The following KLF12 variants were observed in gnomAD, a reference collection of about 807,000 sequenced individuals.
KLF12 encodes Krueppel-like factor 12.
Under a neutral mutation model 37.8 loss-of-function variants are expected in KLF12, and 9 were observed. The observed-to-expected ratio is 0.24, with a 90% CI of 0.14 to 0.42. The LOEUF is 0.42. Ranked by LOEUF, KLF12 falls within the 10% of genes least tolerant of loss-of-function variation. The pLI is 1.00. For synonymous variants in KLF12, 208 were observed against 202.1 expected, an observed-to-expected ratio of 1.03 and a Z score of -0.25; for missense variants, 411 against 516.0, an observed-to-expected ratio of 0.80 and a Z score of 1.97.
chr13:74,199,514 AG>A, the KLF12 span, among the ~76,000 whole-genome samples: 1 of 152,206 alleles, frequency 6.6e-6, no homozygotes, highest in Non-Finnish European at 1.5e-5. Context: ...CTATTAATAA[AG>A]GCTTGCTGAA....
chr13:74,122,855 A>T (rs1877713434), intron 1 of KLF12, among the ~76,000 whole-genome samples: 1 of 152,004 alleles, frequency 6.6e-6, no homozygotes, highest in African/African-American at 2.4e-5. Context: ...CATGGATAAA[A>T]ATATAAAAGG....
chr13:73,992,720 T>G (rs1017440255), intron 2 of KLF12, among the ~76,000 whole-genome samples: 1 of 152,250 alleles, frequency 6.6e-6, no homozygotes, highest in African/African-American at 2.4e-5. Context: ...CAGCTTCCAC[T>G]GCTGACATTT....
chr13:73,881,935 C>G (rs1355374193), intron 3 of KLF12, among the ~76,000 whole-genome samples: 2 of 152,128 alleles, frequency 1.3e-5, no homozygotes, highest in Non-Finnish European at 2.9e-5. Context: ...ATAAAATAAA[C>G]AGGTAACTGG....
chr13:73,905,919 A>C (rs1888264520), intron 3 of KLF12, among the ~76,000 whole-genome samples: 1 of 152,100 alleles, frequency 6.6e-6, no homozygotes, highest in Non-Finnish European at 1.5e-5. Context: ...ACTCTTCTCC[A>C]TGCCTGTGTT....
intron 1 of KLF12, among the ~76,000 whole-genome samples, chr13:74,089,348 C>G (rs563044667): frequency 6.4e-4 from 97 of 152,194 alleles, no homozygotes; most frequent in Non-Finnish European, 1.2e-3. Flanking sequence ...GACCAAATAT[C>G]TTCAAAATAA....
intron 1 of KLF12, among the ~76,000 whole-genome samples, chr13:74,126,419 A>T (rs1371640935): frequency 6.6e-6 from 1 of 152,196 alleles, no homozygotes; most frequent in Non-Finnish European, 1.5e-5. Flanking sequence ...TCTATTAGTC[A>T]TTAAAAGTAT....
chr13:73,949,217 C>T (rs757723018), intron 2 of KLF12, among the ~76,000 whole-genome samples: 2 of 152,218 alleles, frequency 1.3e-5, no homozygotes, highest in Admixed American at 6.5e-5. Flanking sequence ...TTACCTTTCT[C>T]TATATCAATA....
chr13:74,040,559 C>G (rs1397826911), intron 1 of KLF12, among the ~76,000 whole-genome samples: 1 of 150,142 alleles, frequency 6.7e-6, no homozygotes, highest in Non-Finnish European at 1.5e-5. Flanking sequence ...AGAATGCCTA[C>G]AAATTCTCAC....
intron 2 of KLF12, among the ~76,000 whole-genome samples, chr13:73,983,278 C>T (rs1891736322): frequency 6.6e-6 from 1 of 152,196 alleles, no homozygotes; most frequent in Non-Finnish European, 1.5e-5. Context: ...AAGCCACTTG[C>T]TTTCCAGCCC....
At chr13:73,741,115 G>A (rs1029762423) in intron 6 of KLF12, among the ~76,000 whole-genome samples, 7 of 152,058 alleles carry the variant, frequency 4.6e-5, no homozygotes, top group African/African-American at 1.7e-4. Flanking sequence ...CTCTAAAGAC[G>A]TTTTATTCAT....
At chr13:74,185,342 A>C in the KLF12 span, among the ~76,000 whole-genome samples, 1 of 152,204 alleles carries the variant, frequency 6.6e-6, no homozygotes, top group South Asian at 2.1e-4. Context: ...AGGCCTCTGA[A>C]ACAACAGAGG....
intron 1 of KLF12, among the ~76,000 whole-genome samples, chr13:74,120,705 T>C (rs1877578229): frequency 6.6e-6 from 1 of 151,966 alleles, no homozygotes; most frequent in Non-Finnish European, 1.5e-5. Context: ...GGATAGGCTA[T>C]AACATGTATA....
At chr13:73,748,824 G>A (rs767931910) in intron 6 of KLF12, among the ~76,000 whole-genome samples, 10 of 152,210 alleles carry the variant, frequency 6.6e-5, no homozygotes, top group Non-Finnish European at 1.0e-4. Flanking sequence ...CCAACAGCAG[G>A]TAGAATTTGA....
chr13:73,764,090 A>G (rs900132064), intron 6 of KLF12, among the ~76,000 whole-genome samples: 1 of 152,220 alleles, frequency 6.6e-6, no homozygotes, highest in Non-Finnish European at 1.5e-5. Context: ...TCATCTTCCC[A>G]TACTTAAAAA....
rs375809451 is a variant in KLF12, at chr13:73,813,201, C to T, written c.757G>A (p.Val253Ile). Residue 253 changes from valine (V) to isoleucine (I), a missense_variant, in exon 5 of 8, where the codon GTT becomes ATT. Transcript: ENST00000377669. ...AGGGCCGTAGATCCAGTTTCATTAA[C>T]GCTATCTAAGGTCACATTTGGCAGG... 3.1e-6 allele frequency: 5 copies of T among 1,613,898 alleles called. No individual in the cohort carries two copies. In the African/African-American group the frequency reaches 6.7e-5, roughly 22 times the overall value.
At chr13:73,886,799 C>T (rs1887242759) in intron 3 of KLF12, among the ~76,000 whole-genome samples, 1 of 152,098 alleles carries the variant, frequency 6.6e-6, no homozygotes, top group African/African-American at 2.4e-5. Flanking sequence ...CAAGACCAGC[C>T]TGACCAACAT....
At chr13:73,789,673 CTTTTTTTT>C (rs376606853) in intron 5 of KLF12, among the ~76,000 whole-genome samples, 1 of 141,744 alleles carries the variant, frequency 7.1e-6, no homozygotes, top group Non-Finnish European at 1.5e-5. Flanking sequence ...TATCTCTAAT[CTTTTTTTT>C]TTTTTTTTTC....
At chr13:74,145,551 A>G in the KLF12 span, among the ~76,000 whole-genome samples, 1 of 152,284 alleles carries the variant, frequency 6.6e-6, no homozygotes, top group Non-Finnish European at 1.5e-5. Flanking sequence ...CTTTTTGTGC[A>G]TGTGTATTGA....
At chr13:73,770,445 A>G (rs1047091974) in intron 5 of KLF12, among the ~76,000 whole-genome samples, 5 of 152,096 alleles carry the variant, frequency 3.3e-5, no homozygotes, top group Non-Finnish European at 5.9e-5. Context: ...TTATACTAAA[A>G]TTTCTCTCAT....
Sources: gnomAD v4.1 joint callset for allele counts (sites outside exome capture counted in the v4.1 genomes callset) on GRCh38, gnomAD v4.1.1 for gene constraint, MANE v1.5 for transcripts, NCBI Gene and HGNC (gene_info 2026-07-23, HGNC 2026-07-21) for gene names.